KCNMA1: variants seen among roughly 807,000 people sequenced by gnomAD.
KCNMA1 encodes potassium calcium-activated channel subfamily M alpha 1, also known as Calcium-activated potassium channel subunit alpha-1.
Under a neutral mutation model 140.0 loss-of-function variants are expected in KCNMA1, and 29 were observed. The observed-to-expected ratio is 0.21, with a 90% CI of 0.15 to 0.28. KCNMA1 has a LOEUF of 0.28. Ranked by LOEUF, KCNMA1 falls within the 10% of genes least tolerant of loss-of-function variation. KCNMA1 has a pLI of 1.00. For missense variants in KCNMA1, 880 were observed against 1,602.2 expected (o/e 0.55, Z 7.70); for synonymous variants, 612 against 611.9 (o/e 1.00, Z 0.00).
At chr10:77,565,215 C>T (rs762723406) in intron 1 of KCNMA1, among the ~76,000 whole-genome samples, 46 of 152,156 alleles carry the variant, frequency 3.0e-4, no homozygotes, top group Non-Finnish European at 6.2e-4. Context: ...CTTGTGAATC[C>T]CTCCAGGCTC....
At chr10:76,920,020 G>GTGTGTGTATATATA (rs1177257916) in intron 23 of KCNMA1, among the ~76,000 whole-genome samples, 3 of 34,428 alleles carry the variant, frequency 8.7e-5, no homozygotes, top group East Asian at 1.3e-3. Context: ...GTGTGTGTGT[G>GTGTGTGTATATATA]TATATATATA....
intron 3 of KCNMA1, among the ~76,000 whole-genome samples, chr10:77,238,295 T>A (rs1256202040): frequency 6.6e-6 from 1 of 152,124 alleles, no homozygotes; most frequent in African/African-American, 2.4e-5. Flanking sequence ...TACCCAGTGG[T>A]CCCTAGTTCC....
intron 20 of KCNMA1, among the ~76,000 whole-genome samples, chr10:76,962,791 G>A (rs896574760): frequency 5.3e-5 from 8 of 152,154 alleles, no homozygotes; most frequent in African/African-American, 1.7e-4. Context: ...ACTAACTAAA[G>A]GAACTGATGA....
At chr10:77,506,928 T>TA (rs2046354529) in intron 1 of KCNMA1, among the ~76,000 whole-genome samples, 1 of 151,666 alleles carries the variant, frequency 6.6e-6, no homozygotes, top group Non-Finnish European at 1.5e-5. Flanking sequence ...AAAAGACAGA[T>TA]GTTCCTATGA....
intron 1 of KCNMA1, among the ~76,000 whole-genome samples, chr10:77,549,646 T>C (rs911107925): frequency 1.3e-5 from 2 of 152,254 alleles, no homozygotes; most frequent in African/African-American, 4.8e-5. Flanking sequence ...AGGGCAGTTA[T>C]CTAGCTCTGT....
At chr10:76,878,108 C>G (rs893493414) in intron 29 of KCNMA1, among the ~76,000 whole-genome samples, 2 of 152,092 alleles carry the variant, frequency 1.3e-5, no homozygotes. Flanking sequence ...CAAAATGTGC[C>G]ACTGGGACTC....
intron 1 of KCNMA1, among the ~76,000 whole-genome samples, chr10:77,536,109 T>A (rs1473256739): frequency 6.6e-6 from 1 of 152,226 alleles, no homozygotes; most frequent in Admixed American, 6.5e-5. Flanking sequence ...CCAGAGTTGA[T>A]CATTACACAT....
intron 1 of KCNMA1, among the ~76,000 whole-genome samples, chr10:77,585,570 T>G (rs1438212264): frequency 1.3e-5 from 2 of 152,190 alleles, no homozygotes; most frequent in Non-Finnish European, 2.9e-5. Flanking sequence ...TTGAACATGC[T>G]CTGCACTTTA....
At chr10:77,509,904 T>C (rs1400667069) in intron 1 of KCNMA1, among the ~76,000 whole-genome samples, 1 of 152,020 alleles carries the variant, frequency 6.6e-6, no homozygotes, top group Non-Finnish European at 1.5e-5. Context: ...TGGGGATCAT[T>C]AGTTGTCAAA....
In KCNMA1 at chr10:76,989,251, G is replaced by A. The variant is rs1166050870; in HGVS notation, c.2266+12156C>T. Among the ~76,000 whole-genome samples the A allele has an allele frequency of 3.3e-5, 5 of 152,162 alleles. No homozygotes were observed. The East Asian group carries it at 9.6e-4, about 29-fold the overall frequency. On this transcript the variant is annotated intron_variant, in intron 19 of 27. Coordinates refer to ENST00000286628, the MANE Select transcript of KCNMA1 (RefSeq NM_001161352.2). ...CTGACAATAAAGTAGAAACCTGTAA[G>A]AATCTTCTGGGCTCTTTCGGTGTGT... is the stretch of plus-strand genomic sequence containing the variant.
rs113620266 is a variant in KCNMA1, at chr10:77,256,573, C to A, written c.541-5317G>T. Among the ~76,000 whole-genome samples, 584 of 152,238 alleles carry A rather than the reference C, an allele frequency of 3.8e-3. 5 individuals are homozygous for A. The highest frequency in any genetic ancestry group is 0.014 in the African/African-American group (564 of 41,546). ...AGCCCATTAGAACATATGTATGAGGCCTGCAGGCTTAGAGAATCGTGCTAG... is the reference window on the plus strand; with the variant it reads ...AGCCCATTAGAACATATGTATGAGGACTGCAGGCTTAGAGAATCGTGCTAG... On this transcript the variant is annotated intron_variant, in intron 2 of 27. Coordinates refer to ENST00000286628, the MANE Select transcript of KCNMA1 (RefSeq NM_001161352.2).
intron 5 of KCNMA1, among the ~76,000 whole-genome samples, chr10:77,157,692 A>G (rs1351618145): frequency 2.6e-5 from 4 of 152,086 alleles, no homozygotes; most frequent in East Asian, 3.9e-4. Flanking sequence ...CTGGGATGCA[A>G]TATCTCAGCC....
At position 77,039,648 on chromosome 10, in the gene KCNMA1, G is replaced by T. The variant is rs758147226; in HGVS notation, c.1750-11C>A. 1 of 1,508,662 alleles carries T rather than the reference G, an allele frequency of 6.6e-7. No homozygotes were observed. The highest frequency in any genetic ancestry group is 9.2e-7 in the Non-Finnish European group (1 of 1,083,640). 93.5% of individuals were successfully genotyped at this position (1,508,662 alleles called of 1,614,324 possible). The stretch of plus-strand genomic sequence containing the variant: ...TGTGTCTTCCTCAATCTAAAGGAAA[G>T]GAACACATGCGGAGAGTTTAAAATA... On this transcript the variant is annotated splice_polypyrimidine_tract_variant and intron_variant, in intron 14 of 27. Coordinates refer to ENST00000286628, the MANE Select transcript of KCNMA1 (RefSeq NM_001161352.2).
chr10:77,502,082 A>C (rs2044126000), intron 1 of KCNMA1, among the ~76,000 whole-genome samples: 1 of 152,176 alleles, frequency 6.6e-6, no homozygotes, highest in Non-Finnish European at 1.5e-5. Flanking sequence ...GGCAGCCCCA[A>C]GGTCACACAA....
chr10:77,046,594 A>C (rs1289848469), intron 14 of KCNMA1, among the ~76,000 whole-genome samples: 1 of 152,208 alleles, frequency 6.6e-6, no homozygotes, highest in Admixed American at 6.5e-5. Context: ...GAAAAGTACG[A>C]TGTTAAGGCC....
chr10:77,633,301 C>A (rs111897545), intron 1 of KCNMA1, among the ~76,000 whole-genome samples: 2 of 151,232 alleles, frequency 1.3e-5, no homozygotes, highest in African/African-American at 4.9e-5. Context: ...GGTGACAGAG[C>A]GAGACTCCAT....
At chr10:77,420,287 C>T (rs2096839831) in intron 1 of KCNMA1, among the ~76,000 whole-genome samples, 1 of 152,238 alleles carries the variant, frequency 6.6e-6, no homozygotes, top group East Asian at 1.9e-4. Flanking sequence ...CCACATGGCT[C>T]CCCTAGCCTC....
chr10:77,333,930 G>A lies in KCNMA1; in HGVS notation c.540+69932C>T, dbSNP rs146164880. On this transcript the variant is annotated intron_variant, in intron 2 of 27. Transcript: ENST00000286628. ...TCACCATGGCTTGAATGACATAATAGGATTTCAGTATATGCAATTGTTGAG... is the reference window on the plus strand; with the variant it reads ...TCACCATGGCTTGAATGACATAATAAGATTTCAGTATATGCAATTGTTGAG... 2.4e-3 allele frequency among the ~76,000 whole-genome samples: 362 copies of A among 152,230 alleles called. 3 individuals are homozygous for A. The highest frequency in any genetic ancestry group is 7.5e-3 in the African/African-American group (313 of 41,532).
intron 23 of KCNMA1, among the ~76,000 whole-genome samples, chr10:76,921,872 G>C (rs1416778579): frequency 6.6e-6 from 1 of 152,194 alleles, no homozygotes; most frequent in Admixed American, 6.5e-5. Flanking sequence ...GTAGTTTTCA[G>C]TGGCTTCCTA....
Sources: allele counts gnomAD v4.1 joint callset (sites outside exome capture counted in the v4.1 genomes callset), GRCh38; gene constraint gnomAD v4.1.1; transcripts MANE v1.5; gene names NCBI Gene and HGNC (gene_info 2026-07-23, HGNC 2026-07-21).